Variants in GNG2 observed in about 807,000 individuals in gnomAD.
GNG2 encodes guanine nucleotide-binding protein G(I)/G(S)/G(O) subunit gamma-2.
Under a neutral mutation model 5.5 loss-of-function variants are expected in GNG2, and 5 were observed. That is an observed-to-expected ratio of 0.91 (90% confidence interval 0.48 to 1.92). The LOEUF (loss-of-function observed/expected upper bound fraction) is 1.92. Ranked by LOEUF, GNG2 falls within the 30% of genes most tolerant of loss-of-function variation. The pLI, the probability that GNG2 is intolerant of heterozygous loss-of-function variation, is 0.01. For missense variants in GNG2, 55 were observed against 88.4 expected (o/e 0.62, Z 1.52); for synonymous variants, 28 against 32.0 (o/e 0.88, Z 0.42).
At chr14:51,871,669 G>T (rs1243616671) in intron 1 of GNG2, among the ~76,000 whole-genome samples, 1 of 152,200 alleles carries the variant, frequency 6.6e-6, no homozygotes, top group South Asian at 2.1e-4. Flanking sequence ...TCACAAATCT[G>T]CAGTAGAGTA....
In GNG2 at chr14:51,968,741, A is replaced by G. The variant is rs370331018; in HGVS notation, c.*2054A>G. On this transcript the variant is annotated 3_prime_UTR_variant, in exon 4 of 4. Coordinates refer to ENST00000556766, the MANE Select transcript of GNG2 (RefSeq NM_053064.5). ...CATATCACAGTTTTTACATGGGCCA[A>G]AACATGAATTGAGTATGTGGTCACA... The G allele has an allele frequency of 2.6e-5, 4 of 152,230 alleles. No individual in the cohort carries two copies. Among genetic ancestry groups the G allele is most frequent in the African/African-American group, 9.6e-5 (4 of 41,460 alleles). The allele number at this position is 152,230 out of a possible 1,614,324, so 9.4% of individuals were successfully genotyped here.
rs1013370019 is a variant in GNG2, at chr14:51,935,027, T to C, written c.-29-15623T>C. Among the ~76,000 whole-genome samples the C allele has an allele frequency of 1.6e-3, 235 of 148,466 alleles. 2 individuals carry two copies. The highest frequency in any genetic ancestry group is 5.4e-3 in the African/African-American group (219 of 40,444). On this transcript the variant is annotated intron_variant, in intron 2 of 3. Transcript: ENST00000556766. ...GGAAATTCCAGCCCAGTTTCTTTCT[T>C]TTTTTTTTTTTTTTGGAGACGGAGT...
intron 1 of GNG2, chr14:51,874,224 A>C (rs556931890): frequency 1.3e-5 from 2 of 152,192 alleles, no homozygotes; most frequent in Non-Finnish European, 2.9e-5. Context: ...TCAGGAGATC[A>C]AGACCATCCT....
chr14:51,964,014 T>G (rs1185693049), intron 3 of GNG2, among the ~76,000 whole-genome samples: 2 of 152,152 alleles, frequency 1.3e-5, no homozygotes, highest in Non-Finnish European at 2.9e-5. Flanking sequence ...AAATAGGGTA[T>G]TTGTAGATGT....
At chr14:51,943,194 T>TG (rs1888448001) in intron 2 of GNG2, among the ~76,000 whole-genome samples, 1 of 152,182 alleles carries the variant, frequency 6.6e-6, no homozygotes, top group Admixed American at 6.5e-5. Context: ...ACTAGGCCGA[T>TG]GGGGTGAGGG....
chr14:51,836,371 T>C (rs1345920093), intron 2 of GNG2, among the ~76,000 whole-genome samples: 1 of 152,148 alleles, frequency 6.6e-6, no homozygotes, highest in African/African-American at 2.4e-5. Flanking sequence ...GGAAGTGGTC[T>C]CTGTTCTATA....
intron 2 of GNG2, among the ~76,000 whole-genome samples, chr14:51,848,414 G>A (rs1357844330): frequency 2.0e-5 from 3 of 152,012 alleles, no homozygotes; most frequent in Non-Finnish European, 4.4e-5. Context: ...TATAGCCCCC[G>A]ACTACTGCCC....
At chr14:51,898,884 T>C (rs1356431994) in intron 2 of GNG2, among the ~76,000 whole-genome samples, 1 of 152,238 alleles carries the variant, frequency 6.6e-6, no homozygotes, top group Non-Finnish European at 1.5e-5. Flanking sequence ...GGAAATCAAA[T>C]GCTGAGGTAA....
At chr14:51,855,771 T>C (rs1402163836), upstream of GNG2, among the ~76,000 whole-genome samples, 1 of 152,134 alleles carries the variant, frequency 6.6e-6, no homozygotes, top group Admixed American at 6.5e-5. Flanking sequence ...CTGGCACAGC[T>C]GATGGCTCCT....
intron 2 of GNG2, among the ~76,000 whole-genome samples, chr14:51,900,267 G>C (rs992213027): frequency 6.6e-6 from 1 of 151,980 alleles, no homozygotes; most frequent in African/African-American, 2.4e-5. Context: ...TAGTGACTTG[G>C]AGCATTTTTA....
intron 2 of GNG2, among the ~76,000 whole-genome samples, chr14:51,849,127 G>T (rs549678510): frequency 1.5e-3 from 222 of 152,302 alleles, no homozygotes; most frequent in African/African-American, 5.0e-3. Flanking sequence ...GTTGTTTGAA[G>T]GCTTGTCTGG....
intron 3 of GNG2, among the ~76,000 whole-genome samples, chr14:51,959,130 C>T (rs1889447137): frequency 6.6e-6 from 1 of 152,160 alleles, no homozygotes; most frequent in African/African-American, 2.4e-5. Context: ...CAACTTATTA[C>T]ATTCAAGGGT....
intron 2 of GNG2, among the ~76,000 whole-genome samples, chr14:51,854,370 G>A (rs1882051022): frequency 6.6e-6 from 1 of 152,200 alleles, no homozygotes; most frequent in Non-Finnish European, 1.5e-5. Context: ...GGGAAGACCA[G>A]AACTTCAGAA....
chr14:51,904,932 AT>A (rs1242466739), intron 2 of GNG2, among the ~76,000 whole-genome samples: 1 of 152,258 alleles, frequency 6.6e-6, no homozygotes, highest in Non-Finnish European at 1.5e-5. Flanking sequence ...CACACAGGAC[AT>A]TACGGTTTGG....
At chr14:51,831,471 C>A (rs1044207288) in intron 2 of GNG2, among the ~76,000 whole-genome samples, 1 of 152,138 alleles carries the variant, frequency 6.6e-6, no homozygotes, top group African/African-American at 2.4e-5. Context: ...AAAAGGACAG[C>A]AAGGGGGACA....
At chr14:51,954,615 A>C (rs1889174311) in intron 3 of GNG2, among the ~76,000 whole-genome samples, 1 of 152,186 alleles carries the variant, frequency 6.6e-6, no homozygotes. Context: ...CCAAGAGCAG[A>C]AATGTGGCTA....
rs576397739 is a variant in GNG2 at position 51,853,111 on chromosome 14, G to A, written c.64+25304G>A. Among the ~76,000 whole-genome samples the A allele has an allele frequency of 2.0e-5, 3 of 152,192 alleles. 1 individual carries two copies. Among genetic ancestry groups the A allele is most frequent in the African/African-American group, 7.2e-5 (3 of 41,514 alleles). Reference sequence around the variant, plus strand: ...GTTCACTCATTCTCTTAAATTTTTAGCTGATTTTATAAAATGTTCTGGTAT... The same window carrying A: ...GTTCACTCATTCTCTTAAATTTTTAACTGATTTTATAAAATGTTCTGGTAT... On this transcript the variant is annotated intron_variant, in intron 2 of 3. Coordinates refer to the GNG2 transcript ENST00000553432.
At chr14:51,964,421 G>A (rs73299022) in intron 3 of GNG2, among the ~76,000 whole-genome samples, 16,289 of 152,132 alleles carry the variant, frequency 0.11, 1,616 homozygotes, top group East Asian at 0.38. Context: ...TGTCAATTAG[G>A]GTTGGCTAGA....
At chr14:51,871,101 A>C (rs1465220628) in intron 1 of GNG2, among the ~76,000 whole-genome samples, 1 of 152,154 alleles carries the variant, frequency 6.6e-6, no homozygotes, top group Non-Finnish European at 1.5e-5. Flanking sequence ...TTTAAACCGA[A>C]ACCCTCACTT....
Sources: allele counts gnomAD v4.1 joint callset (sites outside exome capture counted in the v4.1 genomes callset), GRCh38; gene constraint gnomAD v4.1.1; transcripts MANE v1.5; gene names NCBI Gene and HGNC (gene_info 2026-07-23, HGNC 2026-07-21).